Variants in B3GALT1 observed in about 807,000 individuals in gnomAD.
B3GALT1 encodes the protein UDP-Gal:betaGlcNAc beta 1,3-galactosyltransferase, polypeptide 1.
A neutral mutation model predicts 23.2 loss-of-function variants in B3GALT1; 10 were observed. The observed-to-expected ratio is 0.43, with a 90% CI of 0.27 to 0.73. B3GALT1 has a LOEUF of 0.73. Among genes scored for constraint, B3GALT1 ranks in the 30% least tolerant of loss-of-function variants. The probability of loss-of-function intolerance (pLI) is 0.21; values close to 1 mark genes in which losing one functional copy is unlikely to be tolerated. For missense variants in B3GALT1, 299 were observed against 405.4 expected (o/e 0.74, Z 2.25); for synonymous variants, 156 against 141.5 (o/e 1.10, Z -0.73).
At chr2:167,301,405 C>T (rs1018638231) in intron 1 of B3GALT1, among the ~76,000 whole-genome samples, 1 of 152,126 alleles carries the variant, frequency 6.6e-6, no homozygotes, top group African/African-American at 2.4e-5. Flanking sequence ...TTTTTCTGAT[C>T]ATGTTTCTGT....
intron 2 of B3GALT1, among the ~76,000 whole-genome samples, chr2:167,644,087 A>T (rs1488253366): frequency 6.6e-6 from 1 of 152,224 alleles, no homozygotes; most frequent in Non-Finnish European, 1.5e-5. Context: ...ATAAGAGTTC[A>T]GTTTTCACAG....
intron 1 of B3GALT1, among the ~76,000 whole-genome samples, chr2:167,411,218 T>A (rs1455529741): frequency 6.7e-6 from 1 of 148,402 alleles, no homozygotes; most frequent in East Asian, 1.9e-4. Context: ...CTAAAAATCT[T>A]CTGTATAACA....
At chr2:167,754,158 G>T (rs866606536) in intron 3 of B3GALT1, among the ~76,000 whole-genome samples, 2 of 152,182 alleles carry the variant, frequency 1.3e-5, no homozygotes, top group African/African-American at 4.8e-5. Flanking sequence ...TATCTGTGAT[G>T]AATTGTTATC....
chr2:167,812,975 A>ACG (rs1688919461), intron 3 of B3GALT1, among the ~76,000 whole-genome samples: 1 of 135,076 alleles, frequency 7.4e-6, no homozygotes, highest in South Asian at 2.5e-4. Context: ...ACACACACAC[A>ACG]CACGCACCAC....
chr2:167,577,373 G>A (rs1684405012), intron 2 of B3GALT1, among the ~76,000 whole-genome samples: 1 of 151,780 alleles, frequency 6.6e-6, no homozygotes, highest in Non-Finnish European at 1.5e-5. Context: ...CCTTCTTTGT[G>A]CCCCTCAAGG....
intron 1 of B3GALT1, among the ~76,000 whole-genome samples, chr2:167,377,506 T>A (rs977333229): frequency 3.9e-5 from 6 of 152,162 alleles, no homozygotes; most frequent in Admixed American, 3.9e-4. Context: ...ATCAGGGTGC[T>A]CTAATGTTCA....
At chr2:167,650,010 C>A (rs1384119312) in intron 3 of B3GALT1, among the ~76,000 whole-genome samples, 4 of 151,794 alleles carry the variant, frequency 2.6e-5, no homozygotes, top group Non-Finnish European at 1.5e-5. Flanking sequence ...TAGGGGGAAG[C>A]TTTAGTTTTT....
chr2:167,444,993 T>G (rs1559098667), intron 1 of B3GALT1, among the ~76,000 whole-genome samples: 1 of 152,230 alleles, frequency 6.6e-6, no homozygotes, highest in African/African-American at 2.4e-5. Context: ...CTTTCTCTTT[T>G]GGGCATTTAG....
At chr2:167,536,068 A>G (rs1683414649) in intron 2 of B3GALT1, among the ~76,000 whole-genome samples, 1 of 152,040 alleles carries the variant, frequency 6.6e-6, no homozygotes, top group Non-Finnish European at 1.5e-5. Context: ...CACCATGCCC[A>G]GCTAATTTTT....
At chr2:167,705,804 C>T (rs56291755) in intron 3 of B3GALT1, among the ~76,000 whole-genome samples, 37,250 of 152,118 alleles carry the variant, frequency 0.24, 4,813 homozygotes, top group Middle Eastern at 0.37. Context: ...ATATGGTAGC[C>T]ACTAACCACA....
chr2:167,313,337 C>A (rs1448879339), intron 1 of B3GALT1, among the ~76,000 whole-genome samples: 1 of 152,100 alleles, frequency 6.6e-6, no homozygotes, highest in Non-Finnish European at 1.5e-5. Flanking sequence ...GAGTAAATAA[C>A]TAAGTGTTGA....
chr2:167,381,093 G>A (rs1697841579), intron 1 of B3GALT1, among the ~76,000 whole-genome samples: 2 of 152,010 alleles, frequency 1.3e-5, no homozygotes, highest in Admixed American at 1.3e-4. Context: ...GTTCAGACAG[G>A]GTTTTGCTCT....
chr2:167,488,017 G>A (rs1699652843), intron 1 of B3GALT1, among the ~76,000 whole-genome samples: 1 of 151,980 alleles, frequency 6.6e-6, no homozygotes, highest in South Asian at 2.1e-4. Context: ...AAATGCCTTA[G>A]GACATAGACG....
intron 2 of B3GALT1, among the ~76,000 whole-genome samples, chr2:167,494,604 A>T (rs1407106576): frequency 3.9e-5 from 6 of 152,216 alleles, no homozygotes; most frequent in African/African-American, 1.4e-4. Context: ...TTTTAATTCT[A>T]AAATTTTCCT....
At chr2:167,647,564 T>C (rs746960861) in intron 3 of B3GALT1, among the ~76,000 whole-genome samples, 1 of 152,044 alleles carries the variant, frequency 6.6e-6, no homozygotes, top group Non-Finnish European at 1.5e-5. Flanking sequence ...CTAGAGGTGG[T>C]CAAACAATGA....
At chr2:167,573,687 A>G (rs985703173) in intron 2 of B3GALT1, among the ~76,000 whole-genome samples, 1 of 151,742 alleles carries the variant, frequency 6.6e-6, no homozygotes, top group East Asian at 1.9e-4. Context: ...AAATAGAACT[A>G]TTGTACTTAA....
At chr2:167,445,429 T>G (rs186368582) in intron 1 of B3GALT1, among the ~76,000 whole-genome samples, 36 of 152,330 alleles carry the variant, frequency 2.4e-4, no homozygotes, top group Non-Finnish European at 3.5e-4. Flanking sequence ...TTGTTAACTT[T>G]CTGTCTCATT....
chr2:167,645,254 T>C (rs1685728918), intron 2 of B3GALT1, among the ~76,000 whole-genome samples: 1 of 152,162 alleles, frequency 6.6e-6, no homozygotes, highest in Non-Finnish European at 1.5e-5. Flanking sequence ...CCCCTCCAGA[T>C]CTTTTCTAGC....
intron 4 of B3GALT1, among the ~76,000 whole-genome samples, chr2:167,839,628 C>A (rs1338612566): frequency 1.7e-4 from 26 of 151,846 alleles, no homozygotes; most frequent in Non-Finnish European, 2.2e-4. Flanking sequence ...GATTCAATGC[C>A]ATCCCCATCA....
Sources: allele counts gnomAD v4.1 joint callset (sites outside exome capture counted in the v4.1 genomes callset), GRCh38; gene constraint gnomAD v4.1.1; transcripts MANE v1.5; gene names NCBI Gene and HGNC (gene_info 2026-07-23, HGNC 2026-07-21).